The following PRRC2C variants were observed in gnomAD, a reference collection of about 807,000 sequenced individuals.
PRRC2C encodes protein PRRC2C.
In PRRC2C, 72 loss-of-function variants were observed where a neutral mutation model predicts 317.2. The ratio of observed to expected loss-of-function variants is 0.23; its 90% CI spans 0.19 to 0.28. The LOEUF (loss-of-function observed/expected upper bound fraction) is 0.28. Ranked by LOEUF, PRRC2C falls within the 10% of genes least tolerant of loss-of-function variation. PRRC2C has a pLI of 1.00. For missense variants in PRRC2C, 3,074 were observed against 3,459.7 expected (o/e 0.89, Z 2.80); for synonymous variants, 1,296 against 1,205.9 (o/e 1.07, Z -1.55).
chr1:171,512,500 C>A, intron 2 of PRRC2C: 1 of 303,614 alleles, frequency 3.3e-6, no homozygotes, highest in Non-Finnish European at 6.4e-6. Context: ...AGGCACAGAC[C>A]TATATATTAG....
At chr1:171,568,484 G>A (rs1684095709) in intron 23 of PRRC2C, 145 bp downstream of exon 23, 1 of 1,311,930 alleles carries the variant, frequency 7.6e-7, no homozygotes, top group Non-Finnish European at 1.0e-6. Context: ...TAGGAGTACT[G>A]TAATATAATT....
chr1:171,559,679 G>A (rs2102662423), intron 19 of PRRC2C, among the ~76,000 whole-genome samples: 1 of 152,018 alleles, frequency 6.6e-6, no homozygotes, highest in Admixed American at 6.5e-5. Flanking sequence ...ACGTCACCAT[G>A]CCTGGCTAAT....
In PRRC2C at chr1:171,541,901, G is replaced by A. The variant is rs866027723; in HGVS notation, c.4435G>A (p.Gly1479Arg). Residue 1479 changes from glycine to arginine, a missense_variant, in exon 16 of 35, where the codon GGG (glycine) becomes AGG (arginine). Gly to Arg is a moderately radical substitution (Grantham distance 125). Transcript: ENST00000647382. This position sits in a 1 kb window ranked among gnomAD's most constrained non-coding sequence, Gnocchi z 4.1. ...AGTTAATACTCTTGGGGATATTTCC[G>A]GGAATAAGACACCAGATTTATCTAA... ...EPVNTLGDIS[G>R]NKTPDLSNQN... The A allele has an allele frequency of 1.2e-6, 2 of 1,613,744 alleles. No individual in the cohort carries two copies. Among genetic ancestry groups the A allele is most frequent in the African/African-American group, 2.7e-5 (2 of 75,000 alleles).
At chr1:171,586,756 T>A (rs1484486464) in intron 30 of PRRC2C, among the ~76,000 whole-genome samples, 1 of 142,098 alleles carries the variant, frequency 7.0e-6, no homozygotes, top group African/African-American at 2.6e-5. Context: ...AATTTTCGTA[T>A]TTTTTTTTTT....
intron 30 of PRRC2C, among the ~76,000 whole-genome samples, chr1:171,586,330 AT>A (rs1302255282): frequency 2.8e-4 from 42 of 150,914 alleles, no homozygotes; most frequent in Non-Finnish European, 1.2e-4. Context: ...ACCTCAAGTG[AT>A]CTGCCTACCT....
At chr1:171,494,143 A>G (rs1274959044) in intron 1 of PRRC2C, among the ~76,000 whole-genome samples, 1 of 152,236 alleles carries the variant, frequency 6.6e-6, no homozygotes, top group Non-Finnish European at 1.5e-5. Context: ...TGCCCTGGCA[A>G]TCACCTCATT....
intron 4 of PRRC2C, among the ~76,000 whole-genome samples, chr1:171,515,436 G>A (rs1557892450): frequency 6.6e-6 from 1 of 152,184 alleles, no homozygotes; most frequent in Non-Finnish European, 1.5e-5. Context: ...GATGTGTATT[G>A]AAAATGTAAG....
Position 171,541,293 on chromosome 1 carries a change from G to A in PRRC2C, c.3827G>A (p.Ser1276Asn), listed in dbSNP as rs1167915884. ...GACACAGACAGTGAAATTCATGAAA[G>A]TGCAAGTGACAAGGACAGTTTAAGT... ...ETDTDSEIHE[S>N]ASDKDSLSKG... is the part of the protein sequence containing the mutation. The change falls in exon 16 of 35, where the codon AGT becomes AAT. Residue 1276 changes from serine (S) to asparagine (N), a missense_variant. Physicochemically the swap from Ser to Asn is conservative, Grantham distance 46 (BLOSUM62 1). Around this residue, in one of 11 missense-constraint regions of PRRC2C, gnomAD observed 1,320 missense variants for 1,395.7 expected, o/e 0.95. Transcript: ENST00000647382. The surrounding 1 kb of genome is among the most constrained non-coding windows in gnomAD (Gnocchi z 4.1). 1.2e-6 allele frequency: 2 copies of A among 1,613,982 alleles called. No homozygotes were observed. Among genetic ancestry groups the A allele is most frequent in the Non-Finnish European group, 8.5e-7 (1 of 1,179,880 alleles).
intron 34 of PRRC2C, chr1:171,591,330 T>A (rs1437779692): frequency 1.3e-6 from 1 of 748,562 alleles, no homozygotes; most frequent in East Asian, 4.1e-5. Context: ...AAATTTAATA[T>A]GAGAGGGCAG....
chr1:171,532,899 C>G lies in PRRC2C; in HGVS notation c.1811C>G (p.Pro604Arg), dbSNP rs777704234. Residue 604 changes from proline (P) to arginine (R), a missense_variant, in exon 12 of 35, where the codon CCC becomes CGC. Coordinates refer to ENST00000647382, the MANE Select transcript of PRRC2C (RefSeq NM_001387844.1). ...GAAAAATTAGAGGAGAAAATTGAACCCAGAGAACCTAATTTAGAGCCCATG... is the reference window on the plus strand; with the variant it reads ...GAAAAATTAGAGGAGAAAATTGAACGCAGAGAACCTAATTTAGAGCCCATG... ...EREKLEEKIE[P>R]REPNLEPMVE... The G allele has an allele frequency of 1.3e-6, 2 of 1,576,426 alleles. No homozygotes were observed. Among genetic ancestry groups the G allele is most frequent in the Non-Finnish European group, 1.7e-6 (2 of 1,171,186 alleles).
rs749306259 is a variant in PRRC2C at position 171,537,383 on chromosome 1, C to T, written c.2414C>T (p.Pro805Leu). The T allele has an allele frequency of 6.3e-7, 1 of 1,588,768 alleles. No homozygotes were observed. The highest frequency in any genetic ancestry group is 1.2e-5 in the South Asian group (1 of 86,878). ...GATCACGCAATTTCCCTTTCTGAGC[C>T]TCGTATGCTGTGGGGGTCAGATCCC... Reference protein sequence around the residue: ...ARDHAISLSEPRMLWGSDPYP... With the variant: ...ARDHAISLSELRMLWGSDPYP... Residue 805 changes from proline (P) to leucine (L), a missense_variant, in exon 15 of 35, where the codon CCT becomes CTT. Coordinates refer to ENST00000647382, the MANE Select transcript of PRRC2C (RefSeq NM_001387844.1).
chr1:171,556,664 G>A (rs1681490367), intron 18 of PRRC2C, among the ~76,000 whole-genome samples: 1 of 152,158 alleles, frequency 6.6e-6, no homozygotes, highest in Admixed American at 6.5e-5. Flanking sequence ...AAATTATCTT[G>A]GAAAGCTAAT....
Position 171,532,965 on chromosome 1 carries a change from T to C in PRRC2C, c.1873+4T>C. On this transcript the variant is annotated splice_donor_region_variant and intron_variant, in intron 12 of 34. Transcript: ENST00000647382. Reference sequence around the variant, plus strand: ...AGTGAAAACAGCTGTAATAAAGGTTTGATAGTATTCTTCATTCTCTTTTAA... The same window carrying C: ...AGTGAAAACAGCTGTAATAAAGGTTCGATAGTATTCTTCATTCTCTTTTAA... 2 of 1,536,964 alleles carry C rather than the reference T, an allele frequency of 1.3e-6. No homozygotes were observed. Among genetic ancestry groups the C allele is most frequent in the Non-Finnish European group, 8.7e-7 (1 of 1,153,078 alleles).
At chr1:171,502,463 C>G (rs981574398) in intron 1 of PRRC2C, among the ~76,000 whole-genome samples, 2 of 152,126 alleles carry the variant, frequency 1.3e-5, no homozygotes, top group African/African-American at 4.8e-5. Context: ...GTCTTCTGGA[C>G]CTTTGCTATC....
At chr1:171,590,106 A>G (rs1183939015) in intron 34 of PRRC2C, among the ~76,000 whole-genome samples, 1 of 150,942 alleles carries the variant, frequency 6.6e-6, no homozygotes, top group South Asian at 2.1e-4. Flanking sequence ...ATGTGTTACT[A>G]TCTTAGTACT....
chr1:171,559,505 GTTTGTTTTTTTTTTTTTTTTTTTT>G (rs1349427613), intron 19 of PRRC2C, among the ~76,000 whole-genome samples: 3 of 95,134 alleles, frequency 3.2e-5, no homozygotes, highest in Admixed American at 1.5e-4. Flanking sequence ...GGCATACCAA[GTTTGTTTTTTTTTTTTTTTTTTTT>G]TTTTTTTTTT....
At chr1:171,573,555 A>G (rs1685143886) in intron 24 of PRRC2C, among the ~76,000 whole-genome samples, 1 of 152,154 alleles carries the variant, frequency 6.6e-6, no homozygotes, top group Non-Finnish European at 1.5e-5. Flanking sequence ...TTTCTCAAAT[A>G]TAAAAGTTCT....
rs1681702254 is a variant in PRRC2C, at chr1:171,557,564, T to C, written c.5452T>C (p.Ser1818Pro). Residue 1818 changes from serine to proline, a missense_variant, in exon 19 of 35, where the codon TCA becomes CCA. Transcript: ENST00000647382. The stretch of plus-strand genomic sequence containing the variant: ...TCCAGTTTCAGCCTCAGCCTCAGTC[T>C]CAGCTTCAGTTCCAGCCTCTACTTC... ...LAPVSASASV[S>P]ASVPASTSAA... The C allele has an allele frequency of 5.2e-6, 8 of 1,550,984 alleles. No individual in the cohort carries two copies. The highest frequency in any genetic ancestry group is 4.9e-5 in the East Asian group (2 of 40,930).
chr1:171,564,997 A>G (rs1411926053), intron 20 of PRRC2C, among the ~76,000 whole-genome samples: 2 of 152,230 alleles, frequency 1.3e-5, no homozygotes, highest in African/African-American at 2.4e-5. Flanking sequence ...CAAAAATGAC[A>G]TGGAGTAGTG....
Sources: gnomAD v4.1 joint callset for allele counts (sites outside exome capture counted in the v4.1 genomes callset) on GRCh38, gnomAD v4.1.1 for gene constraint, gnomAD v4.1.1 regional missense constraint, Gnocchi (gnomAD v3.1) non-coding constraint, MANE v1.5 for transcripts, NCBI Gene and HGNC (gene_info 2026-07-23, HGNC 2026-07-21) for gene names.